The following MPHOSPH8 variants were observed in gnomAD, a reference collection of about 807,000 sequenced individuals.
MPHOSPH8 encodes the protein M-phase phosphoprotein 8.
A neutral mutation model predicts 87.3 loss-of-function variants in MPHOSPH8; 45 were observed. That is an observed-to-expected ratio of 0.52 (90% CI 0.41 to 0.66). The LOEUF (loss-of-function observed/expected upper bound fraction) is 0.66, where lower values mean the gene tolerates loss of function less well. MPHOSPH8 is among the 30% of genes least tolerant of loss of function. MPHOSPH8 has a pLI of 0.00. For synonymous variants in MPHOSPH8, 366 were observed against 376.9 expected (o/e 0.97, Z 0.33); for missense variants, 883 against 1,020.2 (o/e 0.87, Z 1.83).
chr13:19,641,923 C>T (rs1224209400), intron 1 of MPHOSPH8, among the ~76,000 whole-genome samples, 192 bp from the exon 2 acceptor site: 1 of 152,092 alleles, frequency 6.6e-6, no homozygotes, highest in African/African-American at 2.4e-5. Flanking sequence ...CATGATCCCA[C>T]TGCACCTGGT....
At chr13:19,665,253 T>G (rs956759586) in intron 9 of MPHOSPH8, among the ~76,000 whole-genome samples, 3 of 152,262 alleles carry the variant, frequency 2.0e-5, no homozygotes, top group Non-Finnish European at 4.4e-5. Context: ...CCTGAAAAGC[T>G]GTATTTTAAT....
In MPHOSPH8 at chr13:19,666,595, C is replaced by T; in HGVS notation, c.2174+16C>T. The stretch of plus-strand genomic sequence containing the variant: ...ATTTAGAGACGTAAGTGAGAAGCGA[C>T]TGTGCCATAGTTAAGTCACATATCA... On this transcript the variant is annotated intron_variant, in intron 10 of 13. Transcript: ENST00000361479. 1 of 1,569,662 alleles carries T rather than the reference C, an allele frequency of 6.4e-7. No individual in the cohort carries two copies. Among genetic ancestry groups the T allele is most frequent in the Non-Finnish European group, 8.7e-7 (1 of 1,145,842 alleles).
chr13:19,641,881 A>G (rs1001531721), intron 1 of MPHOSPH8, among the ~76,000 whole-genome samples: 70 of 152,036 alleles, frequency 4.6e-4, no homozygotes, highest in African/African-American at 1.7e-3. Context: ...CAGTCTGCCC[A>G]CCTTGACCTC....
Position 19,672,025 on chromosome 13 carries a change from G to GCGAC in MPHOSPH8, c.*151_*154dup. ...TGTTGTCTGTTGTAGTCTGTAAGAT[G>GCGAC]CGACATAGCTGTGTCTGTGCCAGTA... On this transcript the variant is annotated 3_prime_UTR_variant, in exon 14 of 14. Transcript: ENST00000361479. 1 of 734,900 alleles carries GCGAC rather than the reference G, an allele frequency of 1.4e-6. No individual in the cohort carries two copies. Among genetic ancestry groups the GCGAC allele is most frequent in the South Asian group, 1.7e-5 (1 of 58,928 alleles). 45.5% of individuals were successfully genotyped at this position (734,900 alleles called of 1,614,324 possible).
chr13:19,637,476 A>T (rs1017936379), intron 1 of MPHOSPH8, among the ~76,000 whole-genome samples: 9 of 152,080 alleles, frequency 5.9e-5, no homozygotes, highest in Non-Finnish European at 1.5e-5. Context: ...TATGTTGAAT[A>T]ACGCATTTAC....
At chr13:19,655,213 C>T in intron 5 of MPHOSPH8, among the ~76,000 whole-genome samples, 1 of 152,162 alleles carries the variant, frequency 6.6e-6, no homozygotes, top group East Asian at 1.9e-4. Flanking sequence ...TGGTGGCTCA[C>T]ACCTACAATC....
At chr13:19,656,589 G>A (rs753574600) in intron 5 of MPHOSPH8, among the ~76,000 whole-genome samples, 47 of 151,678 alleles carry the variant, frequency 3.1e-4, no homozygotes, top group Non-Finnish European at 5.5e-4. Flanking sequence ...GTGAAACCCC[G>A]TCTCTACTAA....
intron 5 of MPHOSPH8, among the ~76,000 whole-genome samples, chr13:19,653,089 A>T (rs1304296305): frequency 1.3e-5 from 2 of 152,178 alleles, no homozygotes; most frequent in Non-Finnish European, 2.9e-5. Context: ...GCTAAGGGTC[A>T]GACTGCCTCC....
chr13:19,656,290 A>AAC (rs1399662397), intron 5 of MPHOSPH8, among the ~76,000 whole-genome samples: 1 of 151,014 alleles, frequency 6.6e-6, no homozygotes, highest in Non-Finnish European at 1.5e-5. Context: ...AAAAAAAAAA[A>AAC]AAAAAAAAAA....
chr13:19,671,350 T>A, intron 13 of MPHOSPH8, 61 bp downstream of exon 13: 1 of 1,474,020 alleles, frequency 6.8e-7, no homozygotes, highest in South Asian at 1.2e-5. Context: ...GATTACTTTA[T>A]CAACATTAGA....
In MPHOSPH8 at chr13:19,666,449, A is replaced by G. The variant is rs1875819035; in HGVS notation, c.2044A>G (p.Ile682Val). ...GGCCTGTAAAAGAGGAAATTCAGAC[A>G]TCGTACGACTCGTAATTGAATGTGG... Reference protein sequence around the residue: ...MKACKRGNSDIVRLVIECGAD... With the variant: ...MKACKRGNSDVVRLVIECGAD... Residue 682 changes from isoleucine (I) to valine (V), a missense_variant, in exon 10 of 14, where the codon ATC becomes GTC. Around this residue, in one of 3 missense-constraint regions of MPHOSPH8, gnomAD observed 741 missense variants for 841.5 expected, o/e 0.88. Transcript: ENST00000361479. The G allele has an allele frequency of 1.9e-6, 3 of 1,609,308 alleles. No individual in the cohort carries two copies. Among genetic ancestry groups the G allele is most frequent in the Non-Finnish European group, 8.5e-7 (1 of 1,176,034 alleles).
rs569855954 is a variant in MPHOSPH8, at chr13:19,635,527, C to CA, written c.213+1574dup. Among the ~76,000 whole-genome samples, 346 of 151,510 alleles carry CA rather than the reference C, an allele frequency of 2.3e-3. 1 individual carries two copies. The highest frequency in any genetic ancestry group is 8.2e-3 in the African/African-American group (337 of 41,314). On this transcript the variant is annotated intron_variant, in intron 1 of 13. Transcript: ENST00000361479. ...TGGGCGACAGAGGGAGACTCCGTCT[C>CA]AAAAAAAATAATAATAATTTGGCTA...
chr13:19,667,094 G>A (rs1875860717), intron 10 of MPHOSPH8, among the ~76,000 whole-genome samples: 1 of 152,044 alleles, frequency 6.6e-6, no homozygotes, highest in Non-Finnish European at 1.5e-5. Context: ...CCCGGGAGGC[G>A]GAGGTTGCAG....
chr13:19,659,383 G>A, intron 7 of MPHOSPH8, 94 bp downstream of exon 7: 4 of 1,072,012 alleles, frequency 3.7e-6, no homozygotes, highest in Non-Finnish European at 5.5e-6. Flanking sequence ...ATTACAAAAG[G>A]CTGGGCGTGG....
chr13:19,670,924 A>G (rs1262772643), intron 12 of MPHOSPH8: 3 of 965,182 alleles, frequency 3.1e-6, no homozygotes, highest in Non-Finnish European at 4.4e-6. Context: ...GGCACAAGCA[A>G]TCCTCCCACC....
intron 7 of MPHOSPH8, among the ~76,000 whole-genome samples, chr13:19,660,536 A>C (rs573129700): frequency 6.6e-6 from 1 of 152,308 alleles, no homozygotes; most frequent in African/African-American, 2.4e-5. Flanking sequence ...TGCATGAAAT[A>C]ATATAGATTG....
At chr13:19,669,120 G>C (rs547532732) in intron 11 of MPHOSPH8, among the ~76,000 whole-genome samples, 1 of 152,268 alleles carries the variant, frequency 6.6e-6, no homozygotes, top group African/African-American at 2.4e-5. Flanking sequence ...ATGTATTTAA[G>C]AACATATAGC....
intron 2 of MPHOSPH8, among the ~76,000 whole-genome samples, chr13:19,643,329 A>G (rs1009185098): frequency 6.6e-6 from 1 of 152,054 alleles, no homozygotes; most frequent in African/African-American, 2.4e-5. Flanking sequence ...CTGCAGCCTC[A>G]ACCTCTGGGT....
intron 5 of MPHOSPH8, among the ~76,000 whole-genome samples, chr13:19,651,134 G>C (rs140263630): frequency 6.6e-6 from 1 of 152,206 alleles, no homozygotes; most frequent in African/African-American, 2.4e-5. Flanking sequence ...GACACAGTTT[G>C]TTGAGAACAA....
Sources: gnomAD v4.1 joint callset for allele counts (sites outside exome capture counted in the v4.1 genomes callset) on GRCh38, gnomAD v4.1.1 for gene constraint, gnomAD v4.1.1 regional missense constraint, MANE v1.5 for transcripts, NCBI Gene and HGNC (gene_info 2026-07-23, HGNC 2026-07-21) for gene names.